HBP1: variants seen among roughly 807,000 people sequenced by gnomAD.
HBP1 encodes HMG-box transcription factor 1, also known as HMG box-containing protein 1.
In HBP1, 20 loss-of-function variants were observed where a neutral mutation model predicts 62.6. The ratio of observed to expected loss-of-function variants is 0.32; its 90% CI spans 0.22 to 0.46. The LOEUF (loss-of-function observed/expected upper bound fraction) is 0.46, where lower values mean the gene tolerates loss of function less well. Ranked by LOEUF, HBP1 falls within the 20% of genes least tolerant of loss-of-function variation. The pLI is 1.00. For synonymous variants in HBP1, 232 were observed against 206.2 expected (o/e 1.12, Z -1.07); for missense variants, 480 against 611.8 (o/e 0.78, Z 2.27).
chr7:107,176,318 T>G (rs1266651871), intron 1 of HBP1, among the ~76,000 whole-genome samples: 1 of 152,062 alleles, frequency 6.6e-6, no homozygotes, highest in African/African-American at 2.4e-5. Context: ...ACCACTGATC[T>G]AGCCCCTTCT....
chr7:107,201,241 A>G, intron 10 of HBP1, 173 bp from the exon 11 acceptor site: 2 of 467,720 alleles, frequency 4.3e-6, no homozygotes, highest in Non-Finnish European at 7.8e-6. Context: ...CATTGCATAC[A>G]TTTTCTGGAT....
chr7:107,195,809 A>G (rs767551010), intron 8 of HBP1, 25 bp from the exon 9 acceptor site: 3 of 1,068,792 alleles, frequency 2.8e-6, no homozygotes, highest in East Asian at 2.8e-5. Context: ...GAATTAAAAT[A>G]TTATTATTTT....
intron 9 of HBP1, among the ~76,000 whole-genome samples, chr7:107,198,684 A>C (rs1798048070): frequency 9.4e-6 from 1 of 105,980 alleles, no homozygotes; most frequent in Non-Finnish European, 2.4e-5. Context: ...TTCAATGAAT[A>C]AATTCTCATT....
chr7:107,176,257 C>T (rs942092053), intron 1 of HBP1, among the ~76,000 whole-genome samples: 1 of 152,060 alleles, frequency 6.6e-6, no homozygotes, highest in Non-Finnish European at 1.5e-5. Flanking sequence ...AACTCCTGAC[C>T]TCGTGATCCG....
intron 8 of HBP1, among the ~76,000 whole-genome samples, 195 bp downstream of exon 8, chr7:107,190,512 T>A (rs1797597579): frequency 6.6e-6 from 1 of 152,146 alleles, no homozygotes; most frequent in Non-Finnish European, 1.5e-5. Context: ...GAGTTTTGCG[T>A]GTAGTTGTCA....
Position 107,195,828 on chromosome 7 carries a change from T to G in HBP1, c.1068-6T>G. Reference sequence around the variant, plus strand: ...TAAAATATTATTATTTTTTTTAATTTTATAGCTATGACTTCACACCTATGG... The same window carrying G: ...TAAAATATTATTATTTTTTTTAATTGTATAGCTATGACTTCACACCTATGG... On this transcript the variant is annotated splice_region_variant and splice_polypyrimidine_tract_variant and intron_variant, in intron 8 of 10. Coordinates refer to ENST00000222574, the MANE Select transcript of HBP1 (RefSeq NM_012257.4). The G allele has an allele frequency of 7.7e-7, 1 of 1,305,912 alleles. No homozygotes were observed. 80.9% of individuals were successfully genotyped at this position (1,305,912 alleles called of 1,614,324 possible). A position where few individuals can be genotyped will look rare whatever the true frequency, so the allele number is the denominator to read the frequency against.
At chr7:107,199,147 G>A (rs969969600) in intron 9 of HBP1, among the ~76,000 whole-genome samples, 1 of 152,024 alleles carries the variant, frequency 6.6e-6, no homozygotes, top group Non-Finnish European at 1.5e-5. Flanking sequence ...GTGCAGTGGC[G>A]GGATATCGGC....
intron 1 of HBP1, among the ~76,000 whole-genome samples, chr7:107,171,232 A>C (rs1284135367): frequency 6.7e-6 from 1 of 150,286 alleles, no homozygotes; most frequent in African/African-American, 2.5e-5. Context: ...ACCACTCTCA[A>C]CTAATTTTTT....
At chr7:107,187,239 G>A (rs986229626) in intron 6 of HBP1, among the ~76,000 whole-genome samples, 1 of 150,890 alleles carries the variant, frequency 6.6e-6, no homozygotes, top group African/African-American at 2.4e-5. Flanking sequence ...GCAACACAGT[G>A]AGACTCTGTC....
chr7:107,169,216 GGGGTGGGGAA>G, intron 1 of HBP1, 31 bp downstream of exon 1: 5 of 909,112 alleles, frequency 5.5e-6, no homozygotes, highest in Non-Finnish European at 7.1e-6. Context: ...GGAAGAGGTG[GGGGTGGGGAA>G]GGGAGGGGCA....
chr7:107,169,654 T>A (rs1191629718), intron 1 of HBP1: 4 of 757,596 alleles, frequency 5.3e-6, no homozygotes, highest in Non-Finnish European at 6.4e-6. Context: ...CCTTCTGGAC[T>A]GAGGGGGATT....
At chr7:107,181,077 T>A (rs566033053) in intron 2 of HBP1, among the ~76,000 whole-genome samples, 1 of 152,100 alleles carries the variant, frequency 6.6e-6, no homozygotes, top group African/African-American at 2.4e-5. Flanking sequence ...AATTGTAGGG[T>A]AGAATTATTT....
At position 107,180,109 on chromosome 7, in the gene HBP1, A is replaced by G. The variant is rs756107337; in HGVS notation, c.169+47A>G. 20 of 1,277,752 alleles carry G rather than the reference A, an allele frequency of 1.6e-5. No individual in the cohort carries two copies. In the African/African-American group the frequency reaches 2.8e-4, roughly 18 times the overall value. 79.2% of individuals were successfully genotyped at this position (1,277,752 alleles called of 1,614,324 possible). A position where few individuals can be genotyped will look rare whatever the true frequency, so the allele number is the denominator to read the frequency against. Reference sequence around the variant, plus strand: ...ATAGAAATCTCACTAAGATTCAGATAAATTTTTCTACTTAGCCCGCTTCTC... The same window carrying G: ...ATAGAAATCTCACTAAGATTCAGATGAATTTTTCTACTTAGCCCGCTTCTC... On this transcript the variant is annotated intron_variant, in intron 2 of 10. Coordinates refer to ENST00000222574, the MANE Select transcript of HBP1 (RefSeq NM_012257.4).
At chr7:107,172,523 C>T (rs1229822997) in intron 1 of HBP1, among the ~76,000 whole-genome samples, 1 of 152,100 alleles carries the variant, frequency 6.6e-6, no homozygotes, top group African/African-American at 2.4e-5. Context: ...TTATATGACT[C>T]ATCTTAAATA....
intron 1 of HBP1, among the ~76,000 whole-genome samples, chr7:107,176,166 C>T (rs1293755393): frequency 2.0e-5 from 3 of 151,962 alleles, no homozygotes; most frequent in African/African-American, 4.8e-5. Context: ...GGTTGGATTA[C>T]AGGCGCGTGC....
intron 1 of HBP1, among the ~76,000 whole-genome samples, chr7:107,174,202 G>A (rs1796732539): frequency 6.6e-6 from 1 of 152,184 alleles, no homozygotes; most frequent in Admixed American, 6.5e-5. Flanking sequence ...ACCTGTCCCC[G>A]GTTACACAGC....
intron 9 of HBP1, among the ~76,000 whole-genome samples, chr7:107,199,409 T>C (rs1012330755): frequency 7.2e-5 from 11 of 152,242 alleles, no homozygotes; most frequent in Admixed American, 7.2e-4. Flanking sequence ...TTAAGGAAAA[T>C]GCAGCACAAT....
chr7:107,201,226 C>G, intron 10 of HBP1, 188 bp from the exon 11 acceptor site: 1 of 448,950 alleles, frequency 2.2e-6, no homozygotes, highest in Non-Finnish European at 4.0e-6. Context: ...TAGTCAATGT[C>G]TTATCATTGC....
At chr7:107,178,218 A>C (rs1796952991) in intron 1 of HBP1, among the ~76,000 whole-genome samples, 1 of 152,174 alleles carries the variant, frequency 6.6e-6, no homozygotes, top group Non-Finnish European at 1.5e-5. Flanking sequence ...TACATTGCCC[A>C]GGCTGGATTC....
Sources: allele counts gnomAD v4.1 joint callset (sites outside exome capture counted in the v4.1 genomes callset), GRCh38; gene constraint gnomAD v4.1.1; transcripts MANE v1.5; gene names NCBI Gene and HGNC (gene_info 2026-07-23, HGNC 2026-07-21).